The following PIK3C2G variants were observed in gnomAD, a reference collection of about 807,000 sequenced individuals.
PIK3C2G encodes the protein phosphatidylinositol 3-kinase C2 domain-containing subunit gamma.
A neutral mutation model predicts 181.1 loss-of-function variants in PIK3C2G; 168 were observed. That is an observed-to-expected ratio of 0.93 (90% CI 0.82 to 1.05). PIK3C2G has a LOEUF of 1.05. Ranked by LOEUF, PIK3C2G falls within the 50% of genes least tolerant of loss-of-function variation. The pLI, the probability that PIK3C2G is intolerant of heterozygous loss-of-function variation, is 0.00. For synonymous variants in PIK3C2G, 573 were observed against 592.2 expected (o/e 0.97, Z 0.47); for missense variants, 1,869 against 1,732.8 (o/e 1.08, Z -1.40).
At chr12:18,308,655 G>A (rs966362978) in intron 5 of PIK3C2G, among the ~76,000 whole-genome samples, 1 of 151,516 alleles carries the variant, frequency 6.6e-6, no homozygotes, top group South Asian at 2.1e-4. Context: ...AAACATTTTG[G>A]TCTCAGAATC....
intron 30 of PIK3C2G, among the ~76,000 whole-genome samples, chr12:18,594,803 T>G (rs1947269277): frequency 6.6e-6 from 1 of 152,080 alleles, no homozygotes; most frequent in Admixed American, 6.6e-5. Context: ...AGGTTGACTC[T>G]ATTTTGTCAC....
chr12:18,452,912 G>C (rs1451553459), intron 18 of PIK3C2G, among the ~76,000 whole-genome samples: 5 of 152,158 alleles, frequency 3.3e-5, no homozygotes, highest in Admixed American at 2.0e-4. Context: ...TATTTTGGTT[G>C]CACTGTGGTC....
chr12:18,367,377 G>A (rs1323300988), intron 12 of PIK3C2G, among the ~76,000 whole-genome samples: 3 of 151,982 alleles, frequency 2.0e-5, no homozygotes, highest in Non-Finnish European at 4.4e-5. Flanking sequence ...AAATATCTAG[G>A]TATCCAATTT....
intron 1 of PIK3C2G, among the ~76,000 whole-genome samples, chr12:18,268,379 A>AT (rs2137037082): frequency 6.7e-6 from 1 of 149,278 alleles, no homozygotes; most frequent in South Asian, 2.2e-4. Flanking sequence ...AAGAACCTTG[A>AT]TTTTTATTGT....
the PIK3C2G span, among the ~76,000 whole-genome samples, chr12:18,720,269 T>G: frequency 1.6e-4 from 25 of 151,942 alleles, no homozygotes. Flanking sequence ...CTATCACTGA[T>G]AGGCATTTAG....
chr12:18,292,227 A>AAAAAAAAAAATATATATAT, intron 4 of PIK3C2G, among the ~76,000 whole-genome samples: 6 of 48,728 alleles, frequency 1.2e-4, no homozygotes, highest in Non-Finnish European at 1.7e-4. Context: ...AAAAAAAAAA[A>AAAAAAAAAAATATATATAT]ATATATATAT....
At chr12:18,347,473 T>C (rs2137668891) in intron 11 of PIK3C2G, among the ~76,000 whole-genome samples, 1 of 152,302 alleles carries the variant, frequency 6.6e-6, no homozygotes, top group East Asian at 1.9e-4. Flanking sequence ...ACTTACTGCA[T>C]TTAGCATCTC....
At chr12:18,641,702 A>C (rs998970959) in intron 32 of PIK3C2G, among the ~76,000 whole-genome samples, 6 of 146,460 alleles carry the variant, frequency 4.1e-5, no homozygotes, top group African/African-American at 1.6e-4. Context: ...GGTAGGTTGC[A>C]TCTGAATTTA....
At chr12:18,504,732 C>T (rs1203544561) in intron 23 of PIK3C2G, among the ~76,000 whole-genome samples, 1 of 152,128 alleles carries the variant, frequency 6.6e-6, no homozygotes, top group East Asian at 1.9e-4. Flanking sequence ...AATCTGCTTC[C>T]ACCCACACAG....
chr12:18,358,630 A>C (rs1592054496), intron 11 of PIK3C2G: 1 of 484,882 alleles, frequency 2.1e-6, no homozygotes, highest in East Asian at 5.8e-5. Context: ...ACCAAAAAAA[A>C]TTCCTATCCT....
intron 23 of PIK3C2G, among the ~76,000 whole-genome samples, chr12:18,503,638 A>G (rs1941646411): frequency 6.6e-6 from 1 of 152,108 alleles, no homozygotes. Context: ...GTTATCAATA[A>G]AGATTTTTTT....
At chr12:18,665,196 C>T in the PIK3C2G span, among the ~76,000 whole-genome samples, 1 of 150,392 alleles carries the variant, frequency 6.6e-6, no homozygotes, top group Non-Finnish European at 1.5e-5. Context: ...AAAATAAGAA[C>T]AAAGAATGGT....
intron 18 of PIK3C2G, among the ~76,000 whole-genome samples, chr12:18,429,949 T>C (rs988833015): frequency 1.5e-4 from 23 of 152,278 alleles, no homozygotes; most frequent in African/African-American, 5.5e-4. Context: ...ATCTCTAAGA[T>C]ATAATTTACA....
intron 29 of PIK3C2G, among the ~76,000 whole-genome samples, chr12:18,574,166 T>G (rs1409123998): frequency 1.3e-5 from 2 of 152,222 alleles, no homozygotes; most frequent in African/African-American, 2.4e-5. Flanking sequence ...TAACAGAATA[T>G]TCTAGATTTC....
the PIK3C2G span, among the ~76,000 whole-genome samples, chr12:18,667,567 T>C: frequency 6.6e-6 from 1 of 152,160 alleles, no homozygotes; most frequent in Non-Finnish European, 1.5e-5. Flanking sequence ...TATTTTTACT[T>C]GAGATCCTTT....
intron 1 of PIK3C2G, among the ~76,000 whole-genome samples, chr12:18,263,310 TG>T (rs1454519205): frequency 6.6e-6 from 1 of 152,122 alleles, no homozygotes; most frequent in Non-Finnish European, 1.5e-5. Context: ...GAAAACAGTC[TG>T]TACAATACTG....
At chr12:18,458,296 T>G (rs1947737213) in intron 18 of PIK3C2G, among the ~76,000 whole-genome samples, 1 of 152,158 alleles carries the variant, frequency 6.6e-6, no homozygotes, top group Admixed American at 6.5e-5. Flanking sequence ...GGGCATACTG[T>G]GTTATTTAGA....
the PIK3C2G span, among the ~76,000 whole-genome samples, chr12:18,686,834 T>C: frequency 6.6e-6 from 1 of 152,128 alleles, no homozygotes; most frequent in Non-Finnish European, 1.5e-5. Flanking sequence ...ACAAGGCTTT[T>C]AGCATAGCAG....
At chr12:18,337,096 T>G (rs966990951) in intron 8 of PIK3C2G, among the ~76,000 whole-genome samples, 3 of 152,112 alleles carry the variant, frequency 2.0e-5, no homozygotes, top group African/African-American at 7.2e-5. Context: ...AGGACGGTGG[T>G]GCTGGTGACA....
Sources: allele counts gnomAD v4.1 joint callset (sites outside exome capture counted in the v4.1 genomes callset), GRCh38; gene constraint gnomAD v4.1.1; transcripts MANE v1.5; gene names NCBI Gene and HGNC (gene_info 2026-07-23, HGNC 2026-07-21).